SIN3B: variants seen among roughly 807,000 people sequenced by gnomAD.
The protein encoded by SIN3B is paired amphipathic helix protein Sin3b.
A neutral mutation model predicts 120.2 loss-of-function variants in SIN3B; 19 were observed. The observed-to-expected ratio is 0.16, with a 90% CI of 0.11 to 0.23. The LOEUF is 0.23. Ranked by LOEUF, SIN3B falls within the 10% of genes least tolerant of loss-of-function variation. The probability of loss-of-function intolerance (pLI) is 1.00; values close to 1 mark genes in which losing one functional copy is unlikely to be tolerated. For synonymous variants in SIN3B, 654 were observed against 653.2 expected (o/e 1.00, Z -0.02); for missense variants, 1,073 against 1,573.0 (o/e 0.68, Z 5.38).
chr19:16,874,251 C>T (rs1375392987), intron 14 of SIN3B, among the ~76,000 whole-genome samples: 1 of 152,256 alleles, frequency 6.6e-6, no homozygotes, highest in Non-Finnish European at 1.5e-5. Context: ...GTGTGTTTCT[C>T]ACACCCGGGC....
intron 6 of SIN3B, among the ~76,000 whole-genome samples, chr19:16,852,500 G>C (rs1356408200): frequency 6.6e-6 from 1 of 152,210 alleles, no homozygotes; most frequent in African/African-American, 2.4e-5. Context: ...TCCCGCCTCA[G>C]CCTCCCAAAG....
intron 3 of SIN3B, among the ~76,000 whole-genome samples, chr19:16,838,469 C>G (rs923541425): frequency 6.6e-6 from 1 of 152,104 alleles, no homozygotes; most frequent in African/African-American, 2.4e-5. Flanking sequence ...CACTCAGCAT[C>G]GTGTTTTCCG....
At position 16,841,820 on chromosome 19, in the gene SIN3B, C is replaced by T. The variant is rs929991049; in HGVS notation, c.434C>T (p.Pro145Leu). 4.3e-6 allele frequency: 7 copies of T among 1,613,932 alleles called. No homozygotes were observed. The East Asian group carries it at 6.7e-5, about 15-fold the overall frequency. Residue 145 changes from proline (P) to leucine (L), a missense_variant, in exon 4 of 19, where the codon CCG becomes CTG. Physicochemically the swap from Pro to Leu is moderately conservative, Grantham distance 98. This residue lies in a region of SIN3B where 395 missense variants were observed against 528.0 expected (regional missense o/e 0.75). Transcript: ENST00000248054. ...GCAGAGGACTTCAAGCAGCAGGTGC[C>T]GTATAAAGAGGACAAACCCCAGGTG... is the stretch of plus-strand genomic sequence containing the variant. ...DGAEDFKQQV[P>L]YKEDKPQVPL...
At chr19:16,852,687 G>A (rs1401219853) in intron 6 of SIN3B, among the ~76,000 whole-genome samples, 1 of 152,142 alleles carries the variant, frequency 6.6e-6, no homozygotes, top group Non-Finnish European at 1.5e-5. Context: ...GCTTCTCCAG[G>A]GTCTTCCCAG....
intron 3 of SIN3B, among the ~76,000 whole-genome samples, chr19:16,834,714 G>C (rs1212331219): frequency 6.6e-6 from 1 of 152,096 alleles, no homozygotes. Flanking sequence ...TTCCAGCCCT[G>C]TTTCCCAGCA....
rs775453054 is a variant in SIN3B, at chr19:16,878,379, C to T, written c.3151C>T (p.Arg1051Trp). 16 of 1,611,238 alleles carry T rather than the reference C, an allele frequency of 9.9e-6. No homozygotes were observed. Among genetic ancestry groups the T allele is most frequent in the South Asian group, 3.3e-5 (3 of 90,714 alleles). The stretch of plus-strand genomic sequence containing the variant: ...CATGTACCGTCGCGGGACCCTCTGC[C>T]GGGCCAAGCAGGTGCCAGGGGAGGC... ...DYMYRRGTLCRAKQVQPLVLL... is the reference protein window; with the variant it reads ...DYMYRRGTLCWAKQVQPLVLL... Residue 1051 changes from arginine (R) to tryptophan (W), a missense_variant, in exon 18 of 19, where the codon CGG (arginine) becomes TGG (tryptophan). By Grantham distance (101) the Arg-to-Trp change is moderately radical. Coordinates refer to ENST00000248054, the MANE Select transcript of SIN3B (RefSeq NM_001297595.2).
rs1281924971 is a variant in SIN3B at position 16,829,832 on chromosome 19, C to T, written c.162C>T (p.Arg54=). Residue 54 remains arginine (R), a synonymous_variant, in exon 2 of 19, where the codon CGC becomes CGT. Transcript: ENST00000248054. ...CCTATCTGGACCAGGTGAAGATCCG[C>T]TTTGGCAGCGACCCTGCCACCTACA... ...ALTYLDQVKI[R]FGSDPATYNG... 2 of 1,613,624 alleles carry T rather than the reference C, an allele frequency of 1.2e-6. No individual in the cohort carries two copies. The highest frequency in any genetic ancestry group is 1.7e-6 in the Non-Finnish European group (2 of 1,179,804).
chr19:16,876,559 A>G lies in SIN3B; in HGVS notation c.2840A>G (p.Glu947Gly). 1 of 1,613,334 alleles carries G rather than the reference A, an allele frequency of 6.2e-7. No individual in the cohort carries two copies. The highest frequency in any genetic ancestry group is 8.5e-7 in the Non-Finnish European group (1 of 1,179,840). ...ELLDTEEAQTEDPVEVQHLAR... is the reference protein window; with the variant it reads ...ELLDTEEAQTGDPVEVQHLAR... ...CTGGACACCGAGGAGGCCCAGACGG[A>G]GGACCCTGTGGAGGTCCAGGTGAGG... Residue 947 changes from glutamate (E) to glycine (G), a missense_variant, in exon 16 of 19, where the codon GAG becomes GGG. Coordinates refer to ENST00000248054, the MANE Select transcript of SIN3B (RefSeq NM_001297595.2). The surrounding 1 kb of genome is among the most constrained non-coding windows in gnomAD (Gnocchi z 7.1).
Position 16,876,326 on chromosome 19 carries a change from C to A in SIN3B, c.2766+98C>A. ...GTGGACCCTGGTTCAGCGGCTGGGACACCGGCCCTGCTGCAGAGCCCATGA... is the reference window on the plus strand; with the variant it reads ...GTGGACCCTGGTTCAGCGGCTGGGAAACCGGCCCTGCTGCAGAGCCCATGA... On this transcript the variant is annotated intron_variant, in intron 15 of 18. Coordinates refer to ENST00000248054, the MANE Select transcript of SIN3B (RefSeq NM_001297595.2). This position sits in a 1 kb window ranked among gnomAD's most constrained non-coding sequence, Gnocchi z 7.1. 2 of 1,441,156 alleles carry A rather than the reference C, an allele frequency of 1.4e-6. No homozygotes were observed. Among genetic ancestry groups the A allele is most frequent in the Non-Finnish European group, 1.9e-6 (2 of 1,061,146 alleles). The allele number at this position is 1,441,156 out of a possible 1,614,324, so 89.3% of individuals were successfully genotyped here.
rs1410781598 is a variant in SIN3B, at chr19:16,846,988, A to G, written c.601A>G (p.Arg201Gly). 3 of 1,613,922 alleles carry G rather than the reference A, an allele frequency of 1.9e-6. No homozygotes were observed. The African/African-American group carries it at 4.0e-5, about 22-fold the overall frequency. ...CTGGCAGAAGGAGCAGCTGAACACG[A>G]GGGGCCGGCCATTCCGAGGCATGTC... ...HTYQKEQLNT[R>G]GRPFRGMSEE... Residue 201 changes from arginine to glycine, a missense_variant, in exon 5 of 19, where the codon AGG (arginine) becomes GGG (glycine). Arg to Gly is a moderately radical substitution (Grantham distance 125). Coordinates refer to ENST00000248054, the MANE Select transcript of SIN3B (RefSeq NM_001297595.2).
At position 16,876,509 on chromosome 19, in the gene SIN3B, GC is replaced by G; in HGVS notation, c.2791del (p.Gln931ArgfsTer2). On this transcript the variant is annotated frameshift_variant, in exon 16 of 19. Coordinates refer to ENST00000248054, the MANE Select transcript of SIN3B (RefSeq NM_001297595.2). LOFTEE classifies it high-confidence loss of function. The surrounding 1 kb of genome is among the most constrained non-coding windows in gnomAD (Gnocchi z 7.1). ...FKVMFLQRKG[Q>X]VIMTIELLDT... ...AGGTGATGTTCCTGCAGCGCAAAGG[GC>G]AGGTGATCATGACCATCGAGCTCCT... 6.2e-7 allele frequency: 1 copy of G among 1,613,402 alleles called. No homozygotes were observed. Among genetic ancestry groups the G allele is most frequent in the Non-Finnish European group, 8.5e-7 (1 of 1,179,918 alleles).
chr19:16,869,071 C>T (rs1023939916), intron 12 of SIN3B, among the ~76,000 whole-genome samples: 1 of 152,188 alleles, frequency 6.6e-6, no homozygotes, highest in African/African-American at 2.4e-5. Context: ...GGAGGTCAGC[C>T]TCAGAGGCTT....
chr19:16,829,755 G>T, intron 1 of SIN3B, 36 bp from the exon 2 acceptor site: 1 of 1,557,646 alleles, frequency 6.4e-7, no homozygotes, highest in Non-Finnish European at 8.8e-7. Context: ...CTCGTTCCGC[G>T]GCCAGGGCCC....
At position 16,853,987 on chromosome 19, in the gene SIN3B, C is replaced by T. The variant is rs75911496; in HGVS notation, c.940-156C>T. Among the ~76,000 whole-genome samples, 1,439 of 152,304 alleles carry T rather than the reference C, an allele frequency of 9.4e-3. 30 individuals carry two copies. The highest frequency in any genetic ancestry group is 0.033 in the African/African-American group (1,369 of 41,554). ...AGGCCGTGAATTGGTGCATGGATTG[C>T]GTGCATGGGCTGTGTGAATTGCAGC... is the stretch of plus-strand genomic sequence containing the variant. On this transcript the variant is annotated intron_variant, in intron 7 of 18. Coordinates refer to ENST00000248054, the MANE Select transcript of SIN3B (RefSeq NM_001297595.2).
intron 8 of SIN3B, chr19:16,855,098 A>AC (rs1971594274): frequency 6.6e-6 from 1 of 151,578 alleles, no homozygotes; most frequent in East Asian, 1.9e-4. Context: ...CTCTCACACA[A>AC]CCCCCGTTCT....
Position 16,870,094 on chromosome 19 carries a change from C to A in SIN3B, c.2422+19C>A. 1 of 1,550,696 alleles carries A rather than the reference C, an allele frequency of 6.4e-7. No individual in the cohort carries two copies. Among genetic ancestry groups the A allele is most frequent in the Admixed American group, 1.9e-5 (1 of 52,822 alleles). On this transcript the variant is annotated intron_variant, in intron 13 of 18. Coordinates refer to ENST00000248054, the MANE Select transcript of SIN3B (RefSeq NM_001297595.2). ...CAGCCCAGTAAGGCTCCAAAGCCTG[C>A]CGGGAGGCCCCGGGGGGTGCCTGGG...
intron 3 of SIN3B, among the ~76,000 whole-genome samples, chr19:16,835,993 TC>T (rs1025930317): frequency 1.3e-5 from 2 of 151,440 alleles, no homozygotes; most frequent in Admixed American, 6.6e-5. Flanking sequence ...AGTATCTTTT[TC>T]CCCCCCCAAT....
chr19:16,877,787 G>A (rs2051629570), intron 17 of SIN3B, 148 bp downstream of exon 17: 1 of 665,148 alleles, frequency 1.5e-6, no homozygotes, highest in African/African-American at 1.8e-5. Flanking sequence ...CTGCCCTTTT[G>A]AGGCTTGTGG....
At chr19:16,841,702 G>T in intron 3 of SIN3B, 66 bp from the exon 4 acceptor site, 2 of 1,439,900 alleles carry the variant, frequency 1.4e-6, no homozygotes, top group Non-Finnish European at 2.0e-6. Context: ...CAGTGGCTGG[G>T]CCTGGTGTTT....
Sources: allele counts gnomAD v4.1 joint callset (sites outside exome capture counted in the v4.1 genomes callset), GRCh38; gene constraint gnomAD v4.1.1; regional missense constraint gnomAD v4.1.1; non-coding constraint Gnocchi (gnomAD v3.1); transcripts MANE v1.5; gene names NCBI Gene and HGNC (gene_info 2026-07-23, HGNC 2026-07-21).